The following TPST2 variants were observed in gnomAD, a reference collection of about 807,000 sequenced individuals.
TPST2 encodes the protein protein-tyrosine sulfotransferase 2.
A neutral mutation model predicts 27.8 loss-of-function variants in TPST2; 16 were observed. The observed-to-expected ratio is 0.58, with a 90% CI of 0.39 to 0.88. The LOEUF is 0.88. Ranked by LOEUF, TPST2 falls within the 40% of genes least tolerant of loss-of-function variation. The pLI, the probability that TPST2 is intolerant of heterozygous loss-of-function variation, is 0.00. For synonymous variants in TPST2, 229 were observed against 231.7 expected (o/e 0.99, Z 0.10); for missense variants, 464 against 543.1 (o/e 0.85, Z 1.45).
chr22:26,534,562 T>TGGGGCAAGCCA (rs1555927872), intron 4 of TPST2, among the ~76,000 whole-genome samples: 2 of 152,182 alleles, frequency 1.3e-5, no homozygotes, highest in Non-Finnish European at 2.9e-5. Context: ...ACCCATAGCC[T>TGGGGCAAGCCA]GGGGCAAGCC....
At chr22:26,533,673 A>AT (rs35595330) in intron 4 of TPST2, among the ~76,000 whole-genome samples, 10,039 of 147,268 alleles carry the variant, frequency 0.068, 543 homozygotes, top group East Asian at 0.21. Flanking sequence ...GATATAGCTA[A>AT]TTTTTTTTTT....
intron 1 of TPST2, among the ~76,000 whole-genome samples, chr22:26,553,375 T>A (rs958530494): frequency 6.6e-6 from 1 of 151,866 alleles, no homozygotes; most frequent in African/African-American, 2.4e-5. Context: ...GGCAGTTTTT[T>A]TTTTTTTTTT....
chr22:26,536,454 G>A lies in TPST2; in HGVS notation c.875C>T (p.Pro292Leu), dbSNP rs747818226. The change falls in exon 4 of 7, where the codon CCT (proline) becomes CTT (leucine). Residue 292 changes from proline to leucine, a missense_variant. Coordinates refer to ENST00000338754, the MANE Select transcript of TPST2 (RefSeq NM_003595.5). ...IERSTDQVIK[P>L]VNLEALSKWT... ...CTTGGAGAGCGCTTCCAGGTTAACA[G>A]GCTTGATGACCTGGTCCGTGGACCG... 11 of 1,550,794 alleles carry A rather than the reference G, an allele frequency of 7.1e-6. No homozygotes were observed. Among genetic ancestry groups the A allele is most frequent in the Non-Finnish European group, 9.6e-6 (11 of 1,147,802 alleles).
At chr22:26,564,881 A>G (rs1158115229) in intron 1 of TPST2, among the ~76,000 whole-genome samples, 1 of 152,074 alleles carries the variant, frequency 6.6e-6, no homozygotes, top group Admixed American at 6.6e-5. Flanking sequence ...GCCTCTGTGG[A>G]GCTGTGTGGC....
intron 3 of TPST2, among the ~76,000 whole-genome samples, chr22:26,538,242 G>C (rs1382992065): frequency 2.0e-5 from 3 of 152,222 alleles, no homozygotes; most frequent in Non-Finnish European, 4.4e-5. Flanking sequence ...AGGTGAAAGG[G>C]TGTGGACTGG....
chr22:26,550,789 G>A (rs1190477565), intron 1 of TPST2: 2 of 413,182 alleles, frequency 4.8e-6, no homozygotes, highest in Non-Finnish European at 6.5e-6. Flanking sequence ...AGGTCTCTTG[G>A]GCAGGGTCCC....
In TPST2 at chr22:26,536,273, C is replaced by A. The variant is rs1040448104; in HGVS notation, c.1041+15G>T. 3.1e-6 allele frequency: 5 copies of A among 1,614,072 alleles called. No homozygotes were observed. The highest frequency in any genetic ancestry group is 4.2e-6 in the Non-Finnish European group (5 of 1,179,958). On this transcript the variant is annotated intron_variant, in intron 4 of 6. Transcript: ENST00000338754. Reference sequence around the variant, plus strand: ...CCCCAAGAGTACACTTCCACAAGTACAGGTGCACACTCACCCGCTGTGTGT... The same window carrying A: ...CCCCAAGAGTACACTTCCACAAGTAAAGGTGCACACTCACCCGCTGTGTGT...
At chr22:26,548,831 G>C (rs1243003337) in intron 1 of TPST2, among the ~76,000 whole-genome samples, 9 of 151,932 alleles carry the variant, frequency 5.9e-5, no homozygotes, top group African/African-American at 9.7e-5. Context: ...AGCCAGGTGT[G>C]GTGGTGCTTG....
intron 1 of TPST2, among the ~76,000 whole-genome samples, chr22:26,558,335 T>G (rs1166143979): frequency 6.6e-6 from 1 of 151,964 alleles, no homozygotes. Flanking sequence ...AAGACAGGGT[T>G]TCATCATGCT....
Position 26,527,463 on chromosome 22 carries a change from A to G in TPST2, c.*7+751T>C, listed in dbSNP as rs79430155. Among the ~76,000 whole-genome samples, 1,383 of 152,328 alleles carry G rather than the reference A, an allele frequency of 9.1e-3. 19 individuals are homozygous for G. Among genetic ancestry groups the G allele is most frequent in the African/African-American group, 0.032 (1,333 of 41,566 alleles). ...GCAATGATGAATCCCCATTCTCCAG[A>G]TGAAGAAAACAGGGGCTGAAGGGAG... On this transcript the variant is annotated intron_variant, in intron 6 of 6. Transcript: ENST00000338754.
At chr22:26,573,845 T>C (rs1927727392) in intron 1 of TPST2, among the ~76,000 whole-genome samples, 1 of 152,214 alleles carries the variant, frequency 6.6e-6, no homozygotes, top group Non-Finnish European at 1.5e-5. Flanking sequence ...TCCGGTTTCC[T>C]GAGCATTCAC....
At position 26,524,707 on chromosome 22, in the gene TPST2, AC is replaced by A. The variant is rs1262395828; in HGVS notation, c.*1567del. 6.6e-6 allele frequency: 1 copy of A among 152,120 alleles called. No individual in the cohort carries two copies. Among genetic ancestry groups the A allele is most frequent in the Non-Finnish European group, 1.5e-5 (1 of 68,032 alleles). 9.4% of individuals were successfully genotyped at this position (152,120 alleles called of 1,614,324 possible). A position where few individuals can be genotyped will look rare whatever the true frequency, so the allele number is the denominator to read the frequency against. On this transcript the variant is annotated 3_prime_UTR_variant, in exon 7 of 7. Transcript: ENST00000338754. The stretch of plus-strand genomic sequence containing the variant: ...AAGGAGGTATGGGTAAAACACCTTA[AC>A]CCTTAAAGATACAAACTTATTGTAG...
At chr22:26,586,097 C>T (rs1336109596) in intron 1 of TPST2, among the ~76,000 whole-genome samples, 1 of 152,018 alleles carries the variant, frequency 6.6e-6, no homozygotes, top group Non-Finnish European at 1.5e-5. Context: ...TAACCGATCC[C>T]AAGGCACCAC....
Position 26,587,727 on chromosome 22 carries a change from T to A in TPST2, c.-161+2326A>T, listed in dbSNP as rs370301229. ...GAACACTAAATGTATTTAAGATTAT[T>A]GGAACCCTCATACACTGGTGGTAGG... On this transcript the variant is annotated intron_variant, in intron 1 of 6. Coordinates refer to ENST00000338754, the MANE Select transcript of TPST2 (RefSeq NM_003595.5). Among the ~76,000 whole-genome samples, 90 of 152,262 alleles carry A rather than the reference T, an allele frequency of 5.9e-4. 1 individual carries two copies. The South Asian group carries it at 0.018, about 30-fold the overall frequency.
intron 1 of TPST2, among the ~76,000 whole-genome samples, chr22:26,579,334 C>T (rs1461915626): frequency 6.6e-6 from 1 of 152,234 alleles, no homozygotes; most frequent in African/African-American, 2.4e-5. Context: ...CCGACACTCC[C>T]CCAGTACCCC....
At chr22:26,533,801 AGTAG>A (rs1427309597) in intron 4 of TPST2, among the ~76,000 whole-genome samples, 1 of 151,832 alleles carries the variant, frequency 6.6e-6, no homozygotes, top group Non-Finnish European at 1.5e-5. Context: ...CAGCCTTCTG[AGTAG>A]CTGGGACTAT....
At position 26,523,999 on chromosome 22, in the gene TPST2, G is replaced by A. The variant is rs1924694250; in HGVS notation, c.*2276C>T. ...CAGACATAAATTTTTTTTTTGGGGTGTGTGGTGATGGGATACATAGCTGTC... is the reference window on the plus strand; with the variant it reads ...CAGACATAAATTTTTTTTTTGGGGTATGTGGTGATGGGATACATAGCTGTC... On this transcript the variant is annotated 3_prime_UTR_variant, in exon 7 of 7. Coordinates refer to ENST00000338754, the MANE Select transcript of TPST2 (RefSeq NM_003595.5). The A allele has an allele frequency of 6.6e-6, 1 of 151,978 alleles. No homozygotes were observed. The highest frequency in any genetic ancestry group is 1.5e-5 in the Non-Finnish European group (1 of 67,984). The allele number at this position is 151,978 out of a possible 1,614,324, so 9.4% of individuals were successfully genotyped here.
chr22:26,532,735 C>T lies in TPST2; in HGVS notation c.1052G>A (p.Gly351Glu), dbSNP rs879146068. ...VINNTQRVLKGDYKTPANLKG... is the reference protein window; with the variant it reads ...VINNTQRVLKEDYKTPANLKG... ...CAGATTGGCTGGTGTTTTATAGTCC[C>T]CTTTCAAGACCTAAGGAAGAGAAAA... The change falls in exon 5 of 7, where the codon GGG becomes GAG. Residue 351 changes from glycine to glutamate, a missense_variant. Gly to Glu is a moderately conservative substitution (Grantham distance 98). Coordinates refer to ENST00000338754, the MANE Select transcript of TPST2 (RefSeq NM_003595.5). The T allele has an allele frequency of 1.9e-6, 3 of 1,613,536 alleles. No individual in the cohort carries two copies. Among genetic ancestry groups the T allele is most frequent in the Admixed American group, 1.7e-5 (1 of 59,906 alleles).
intron 1 of TPST2, among the ~76,000 whole-genome samples, chr22:26,589,118 G>C (rs1928453620): frequency 6.6e-6 from 1 of 152,130 alleles, no homozygotes; most frequent in Non-Finnish European, 1.5e-5. Flanking sequence ...CTGTGAGTGA[G>C]TTTCAGCTCT....
Sources: allele counts gnomAD v4.1 joint callset (sites outside exome capture counted in the v4.1 genomes callset), GRCh38; gene constraint gnomAD v4.1.1; transcripts MANE v1.5; gene names NCBI Gene and HGNC (gene_info 2026-07-23, HGNC 2026-07-21).